UNC79: variants seen among roughly 807,000 people sequenced by gnomAD.
The protein encoded by UNC79 is unc-79 subunit of NALCN channel complex, also known as protein unc-79 homolog.
In UNC79, 37 loss-of-function variants were observed where a neutral mutation model predicts 283.1. That is an observed-to-expected ratio of 0.13 (90% CI 0.10 to 0.17). The LOEUF (loss-of-function observed/expected upper bound fraction) is 0.17, where lower values mean the gene tolerates loss of function less well. UNC79 is among the 10% of genes least tolerant of loss of function. The pLI, the probability that UNC79 is intolerant of heterozygous loss-of-function variation, is 1.00. For missense variants in UNC79, 2,272 were observed against 3,211.1 expected (o/e 0.71, Z 7.07); for synonymous variants, 1,107 against 1,200.2 (o/e 0.92, Z 1.61).
chr14:93,657,837 A>G (rs1324091757), intron 38 of UNC79, among the ~76,000 whole-genome samples: 2 of 152,024 alleles, frequency 1.3e-5, no homozygotes, highest in African/African-American at 4.8e-5. Context: ...GAGAATTGAG[A>G]CCCTTAGGAA....
chr14:93,700,553 G>C (rs1206307408), intron 47 of UNC79, among the ~76,000 whole-genome samples: 1 of 152,052 alleles, frequency 6.6e-6, no homozygotes, highest in Non-Finnish European at 1.5e-5. Flanking sequence ...TAGCATGCCT[G>C]GTAATTTTTT....
intron 1 of UNC79, among the ~76,000 whole-genome samples, chr14:93,415,450 A>G (rs1233874467): frequency 2.0e-5 from 3 of 152,052 alleles, no homozygotes; most frequent in South Asian, 2.1e-4. Flanking sequence ...TTTTGCATCA[A>G]TGTTCATCAA....
rs1275528689 is a variant in UNC79 at position 93,688,321 on chromosome 14, A to T, written c.6910-344A>T. Among the ~76,000 whole-genome samples, 4 of 152,138 alleles carry T rather than the reference A, an allele frequency of 2.6e-5. No individual in the cohort carries two copies. Among genetic ancestry groups the T allele is most frequent in the Admixed American group, 1.3e-4 (2 of 15,274 alleles). On this transcript the variant is annotated intron_variant, in intron 43 of 48. Transcript: ENST00000555664. This position sits in a 1 kb window ranked among gnomAD's most constrained non-coding sequence, Gnocchi z 4.0. ...AGGTCAGGGAAGGCTTCCCAGAGGA[A>T]GTTACATTTGAGCTAAAACCTGAAC...
intron 5 of UNC79, among the ~76,000 whole-genome samples, chr14:93,493,130 T>A (rs955882233): frequency 6.6e-6 from 1 of 152,146 alleles, no homozygotes; most frequent in East Asian, 1.9e-4. Context: ...GAGGGCTTCT[T>A]TGAGGAAGTA....
intron 1 of UNC79, among the ~76,000 whole-genome samples, chr14:93,403,414 A>G (rs377275086): frequency 2.0e-5 from 3 of 152,304 alleles, no homozygotes; most frequent in East Asian, 3.9e-4. Context: ...CAGCTTTTTT[A>G]TCTTTGCAGC....
intron 14 of UNC79, among the ~76,000 whole-genome samples, chr14:93,546,417 T>C (rs1200974550): frequency 6.6e-6 from 1 of 152,242 alleles, no homozygotes; most frequent in Admixed American, 6.5e-5. Flanking sequence ...GGTGGTTTCA[T>C]AACCAAGTTT....
chr14:93,476,153 C>T (rs75995002), intron 3 of UNC79, among the ~76,000 whole-genome samples: 2,703 of 152,118 alleles, frequency 0.018, 45 homozygotes, highest in Middle Eastern at 0.051. Flanking sequence ...TCCTTGTGGA[C>T]GCTTCTTTTG....
chr14:93,559,710 G>A (rs1461530993), intron 14 of UNC79, among the ~76,000 whole-genome samples: 1 of 152,160 alleles, frequency 6.6e-6, no homozygotes, highest in East Asian at 1.9e-4. Flanking sequence ...GTGGTGGAAT[G>A]TCATCAGTTA....
At chr14:93,458,825 A>T (rs2140203386) in intron 1 of UNC79, among the ~76,000 whole-genome samples, 1 of 152,334 alleles carries the variant, frequency 6.6e-6, no homozygotes, top group South Asian at 2.1e-4. Context: ...GTAATATAAG[A>T]TGGTTTTGTC....
chr14:93,384,563 A>G (rs184850431), intron 1 of UNC79, among the ~76,000 whole-genome samples: 170 of 152,304 alleles, frequency 1.1e-3, no homozygotes, highest in Non-Finnish European at 2.0e-3. Context: ...TGTTTTTCCT[A>G]TAGAGTTGTT....
intron 46 of UNC79, among the ~76,000 whole-genome samples, chr14:93,693,821 CT>C (rs1400866677): frequency 6.6e-6 from 1 of 152,194 alleles, no homozygotes; most frequent in East Asian, 1.9e-4. Flanking sequence ...GGAAAATAGT[CT>C]GTAATTGTCT....
rs1300522093 is a variant in UNC79, at chr14:93,430,605, C to T, written c.-425C>T. On this transcript the variant is annotated 5_prime_UTR_variant, in exon 1 of 49. Coordinates refer to ENST00000555664, the Ensembl canonical transcript of UNC79. The surrounding 1 kb of genome is among the most constrained non-coding windows in gnomAD (Gnocchi z 4.6). ...GGGAGATCCAAATGGTCGGGGACTCCGGCGCTTTAAGAGGCTTTTCTCTGG... is the reference window on the plus strand; with the variant it reads ...GGGAGATCCAAATGGTCGGGGACTCTGGCGCTTTAAGAGGCTTTTCTCTGG... The T allele has an allele frequency of 6.2e-6, 1 of 160,112 alleles. No individual in the cohort carries two copies. The highest frequency in any genetic ancestry group is 2.4e-5 in the African/African-American group (1 of 41,706). The allele number at this position is 160,112 out of a possible 1,614,324, so 9.9% of individuals were successfully genotyped here.
intron 1 of UNC79, chr14:93,464,531 T>G (rs1374290286): frequency 2.2e-6 from 1 of 456,148 alleles, no homozygotes; most frequent in Non-Finnish European, 4.4e-6. Flanking sequence ...TACAGTCACA[T>G]TTTGAGGTTA....
At chr14:93,516,825 G>T (rs928678558) in intron 7 of UNC79, among the ~76,000 whole-genome samples, 1 of 151,868 alleles carries the variant, frequency 6.6e-6, no homozygotes, top group African/African-American at 2.4e-5. Flanking sequence ...ACAATATTGA[G>T]TCTTTTCATC....
chr14:93,468,010 G>T (rs1241829074), intron 2 of UNC79, among the ~76,000 whole-genome samples: 1 of 151,836 alleles, frequency 6.6e-6, no homozygotes, highest in Admixed American at 6.6e-5. Context: ...CTGCTTTCCC[G>T]CATTGAACAT....
At chr14:93,603,453 GT>G in intron 26 of UNC79, 35 bp downstream of exon 26, 1 of 1,602,680 alleles carries the variant, frequency 6.2e-7, no homozygotes, top group Non-Finnish European at 8.5e-7. Flanking sequence ...CGTTAAATCT[GT>G]TTAATGTCTT....
At chr14:93,609,434 A>G (rs570733219) in intron 26 of UNC79, among the ~76,000 whole-genome samples, 8 of 152,184 alleles carry the variant, frequency 5.3e-5, no homozygotes, top group Non-Finnish European at 1.0e-4. Flanking sequence ...TGGAGTTTCA[A>G]TCAGTTACAC....
At chr14:93,367,413 T>C (rs1192771301) in intron 1 of UNC79, among the ~76,000 whole-genome samples, 2 of 152,180 alleles carry the variant, frequency 1.3e-5, no homozygotes, top group Non-Finnish European at 2.9e-5. Context: ...CTGATACTGA[T>C]GGAGATACTT....
intron 1 of UNC79, among the ~76,000 whole-genome samples, chr14:93,352,102 G>A (rs1172746742): frequency 1.3e-5 from 2 of 152,200 alleles, no homozygotes; most frequent in African/African-American, 4.8e-5. Flanking sequence ...ACCCTGAAAT[G>A]TAAAGGTGTG....
Sources: gnomAD v4.1 joint callset for allele counts (sites outside exome capture counted in the v4.1 genomes callset) on GRCh38, gnomAD v4.1.1 for gene constraint, Gnocchi (gnomAD v3.1) non-coding constraint, MANE v1.5 for transcripts, NCBI Gene and HGNC (gene_info 2026-07-23, HGNC 2026-07-21) for gene names.